KCNG3: variants seen among roughly 807,000 people sequenced by gnomAD.
KCNG3 encodes voltage-gated potassium channel regulatory subunit KCNG3.
A neutral mutation model predicts 29.0 loss-of-function variants in KCNG3; 15 were observed. The observed-to-expected ratio is 0.52, with a 90% confidence interval of 0.35 to 0.80. The LOEUF is 0.80. Ranked by LOEUF, KCNG3 falls within the 30% of genes least tolerant of loss-of-function variation. KCNG3 has a pLI of 0.01. For synonymous variants in KCNG3, 322 were observed against 248.9 expected (o/e 1.29, Z -2.76); for missense variants, 512 against 605.7 (o/e 0.85, Z 1.62).
chr2:42,432,883 C>T, the KCNG3 span, among the ~76,000 whole-genome samples: 4 of 150,194 alleles, frequency 2.7e-5, no homozygotes, highest in Admixed American at 2.7e-4. Flanking sequence ...ACTTAACTCA[C>T]GAAGTCTGTC....
At chr2:42,462,905 T>C (rs902398681) in intron 1 of KCNG3, among the ~76,000 whole-genome samples, 1 of 152,164 alleles carries the variant, frequency 6.6e-6, no homozygotes, top group African/African-American at 2.4e-5. Context: ...CTGGCATCTC[T>C]AGAAGGGCTA....
the KCNG3 span, among the ~76,000 whole-genome samples, chr2:42,390,337 A>G: frequency 6.6e-6 from 1 of 152,226 alleles, no homozygotes; most frequent in Non-Finnish European, 1.5e-5. Context: ...AAAGCTCTGG[A>G]TTCATTTATG....
At chr2:42,490,476 C>A (rs545574637) in intron 1 of KCNG3, among the ~76,000 whole-genome samples, 1 of 152,126 alleles carries the variant, frequency 6.6e-6, no homozygotes, top group Non-Finnish European at 1.5e-5. Context: ...GGGCAGTGCA[C>A]AACCTCTGCA....
At chr2:42,459,421 G>A (rs1020891431) in intron 1 of KCNG3, among the ~76,000 whole-genome samples, 3 of 152,146 alleles carry the variant, frequency 2.0e-5, no homozygotes, top group East Asian at 1.9e-4. Context: ...CAACTAATGT[G>A]CACAAAGGAG....
the KCNG3 span, among the ~76,000 whole-genome samples, chr2:42,409,439 C>T: frequency 6.6e-6 from 1 of 151,842 alleles, no homozygotes; most frequent in Non-Finnish European, 1.5e-5. Flanking sequence ...CGAGTTGGCT[C>T]ACACCTGTAT....
At position 42,493,207 on chromosome 2, in the gene KCNG3, TC is replaced by T; in HGVS notation, c.294del (p.Met98IlefsTer84). On this transcript the variant is annotated frameshift_variant, in exon 1 of 2. Coordinates refer to ENST00000306078, the MANE Select transcript of KCNG3 (RefSeq NM_133329.6). LOFTEE classifies it high-confidence loss of function. The part of the protein sequence containing the change: ...RMCELSFYNE[M>X]IYWGLEGAHL... ...TGCGCGCCCTCCAGGCCCCAGTAGA[TC>T]ATCTCGTTGTAGAAGGAGAGCTCGC... The T allele has an allele frequency of 6.2e-7, 1 of 1,611,090 alleles. No individual in the cohort carries two copies. Among genetic ancestry groups the T allele is most frequent in the South Asian group, 1.1e-5 (1 of 91,068 alleles).
chr2:42,492,734 G>A, intron 1 of KCNG3, 103 bp downstream of exon 1: 1 of 1,154,294 alleles, frequency 8.7e-7, no homozygotes, highest in Non-Finnish European at 1.1e-6. Context: ...GCACCCCGCT[G>A]GCTCGGTCGC....
chr2:42,439,156 TATGC>T (rs1002424597), downstream of KCNG3, among the ~76,000 whole-genome samples: 4 of 152,264 alleles, frequency 2.6e-5, no homozygotes, highest in African/African-American at 9.6e-5. Flanking sequence ...CTGAGTTACT[TATGC>T]ATTTGTCTCA....
the KCNG3 span, among the ~76,000 whole-genome samples, chr2:42,389,284 T>C: frequency 6.6e-6 from 1 of 152,216 alleles, no homozygotes; most frequent in Non-Finnish European, 1.5e-5. Context: ...TTCCACATCA[T>C]CAAACATTTC....
the KCNG3 span, among the ~76,000 whole-genome samples, chr2:42,402,582 G>A: frequency 7.2e-5 from 11 of 152,264 alleles, no homozygotes; most frequent in East Asian, 1.9e-4. Context: ...GCTGGAATTC[G>A]TTTTGTGTAT....
At chr2:42,400,506 C>T in the KCNG3 span, among the ~76,000 whole-genome samples, 1 of 152,080 alleles carries the variant, frequency 6.6e-6, no homozygotes, top group Non-Finnish European at 1.5e-5. Flanking sequence ...TGAGAGAACC[C>T]ACAAGAATGA....
the KCNG3 span, among the ~76,000 whole-genome samples, chr2:42,406,287 T>C: frequency 1.3e-5 from 2 of 151,906 alleles, no homozygotes; most frequent in African/African-American, 4.8e-5. Context: ...TGAAGTCATC[T>C]TGGGTCACTG....
chr2:42,419,219 C>CTTTTTTTTTTTTTTTTTTTTTTTT, the KCNG3 span, among the ~76,000 whole-genome samples: 3 of 27,736 alleles, frequency 1.1e-4, 1 homozygote, highest in Non-Finnish European at 2.0e-4. Context: ...GATGGTATCT[C>CTTTTTTTTTTTTTTTTTTTTTTTT]TTTTTTTTTT....
the KCNG3 span, among the ~76,000 whole-genome samples, chr2:42,391,285 C>G: frequency 6.6e-6 from 1 of 152,182 alleles, no homozygotes; most frequent in Non-Finnish European, 1.5e-5. Context: ...CTTCTATGAC[C>G]AGAAGACAAG....
At chr2:42,477,467 G>T (rs186328937) in intron 1 of KCNG3, among the ~76,000 whole-genome samples, 3 of 124,618 alleles carry the variant, frequency 2.4e-5, no homozygotes, top group African/African-American at 9.4e-5. Flanking sequence ...TTGCTCTGTC[G>T]CCCAGGCTGG....
At chr2:42,416,048 A>C in the KCNG3 span, among the ~76,000 whole-genome samples, 1 of 152,026 alleles carries the variant, frequency 6.6e-6, no homozygotes, top group Non-Finnish European at 1.5e-5. Flanking sequence ...TACAAAAATT[A>C]GCTGGGTGTG....
chr2:42,393,002 G>C, the KCNG3 span, among the ~76,000 whole-genome samples: 2 of 152,198 alleles, frequency 1.3e-5, no homozygotes, highest in Non-Finnish European at 2.9e-5. Flanking sequence ...AGTCAGTCTA[G>C]CACAAAGTTT....
At chr2:42,432,865 G>A in the KCNG3 span, among the ~76,000 whole-genome samples, 2 of 149,490 alleles carry the variant, frequency 1.3e-5, no homozygotes, top group African/African-American at 2.5e-5. Flanking sequence ...GATATAGACA[G>A]TACAACAACT....
chr2:42,415,190 C>T, the KCNG3 span, among the ~76,000 whole-genome samples: 11 of 152,286 alleles, frequency 7.2e-5, no homozygotes, highest in East Asian at 1.9e-3. Context: ...CTGGGCCCCA[C>T]ATTAGGGCTC....
Sources: gnomAD v4.1 joint callset for allele counts (sites outside exome capture counted in the v4.1 genomes callset) on GRCh38, gnomAD v4.1.1 for gene constraint, MANE v1.5 for transcripts, NCBI Gene and HGNC (gene_info 2026-07-23, HGNC 2026-07-21) for gene names.